Variants in FAM180A observed in about 807,000 individuals in gnomAD.
The protein encoded by FAM180A is family with sequence similarity 180 member A.
Under a neutral mutation model 15.3 loss-of-function variants are expected in FAM180A, and 14 were observed. The ratio of observed to expected loss-of-function variants is 0.92; its 90% confidence interval spans 0.61 to 1.43. The LOEUF is 1.43. Among genes scored for constraint, FAM180A ranks in the 40% most tolerant of loss-of-function variants. The pLI is 0.00. For missense variants in FAM180A, 200 were observed against 220.8 expected (o/e 0.91, Z 0.60); for synonymous variants, 90 against 96.8 (o/e 0.93, Z 0.41).
chr7:135,735,241 C>T (rs1007003392), intron 2 of FAM180A, among the ~76,000 whole-genome samples: 3 of 152,296 alleles, frequency 2.0e-5, no homozygotes, highest in Admixed American at 2.0e-4. Flanking sequence ...CTTGGCAGCT[C>T]TTGGAAAAGT....
chr7:135,742,408 A>G (rs898845024), intron 1 of FAM180A, among the ~76,000 whole-genome samples: 2 of 152,286 alleles, frequency 1.3e-5, no homozygotes, highest in Admixed American at 6.5e-5. Context: ...TGGAAACTAG[A>G]CTTGCTCCTA....
chr7:135,735,042 C>T (rs1172111992), intron 2 of FAM180A, among the ~76,000 whole-genome samples: 3 of 152,154 alleles, frequency 2.0e-5, no homozygotes, highest in African/African-American at 4.8e-5. Flanking sequence ...GCTGGGAATA[C>T]AGGCACCTGC....
rs750736981 is a variant in FAM180A, at chr7:135,748,529, A to G, written c.52T>C (p.Ser18Pro). ...LLLLYYNAEA[S>P]MCHRWSRAVL... ...CCCCTGCTCCACCTGTGGCACATAG[A>G]AGCCTCAGCATTGTAATACAACAGC... is the stretch of plus-strand genomic sequence containing the variant. Residue 18 changes from serine to proline, a missense_variant, in exon 1 of 4, where the codon TCT becomes CCT. Physicochemically the swap from Ser to Pro is moderately conservative, Grantham distance 74. Coordinates refer to ENST00000338588, the MANE Select transcript of FAM180A (RefSeq NM_205855.4). The G allele has an allele frequency of 6.2e-7, 1 of 1,614,060 alleles. No individual in the cohort carries two copies. Among genetic ancestry groups the G allele is most frequent in the East Asian group, 2.2e-5 (1 of 44,886 alleles).
At chr7:135,742,935 C>G (rs1192025890) in intron 1 of FAM180A, among the ~76,000 whole-genome samples, 1 of 152,196 alleles carries the variant, frequency 6.6e-6, no homozygotes, top group Non-Finnish European at 1.5e-5. Context: ...CTCCAAGGCT[C>G]CAAAACCCAA....
chr7:135,732,189 A>G (rs1051709393), intron 3 of FAM180A, among the ~76,000 whole-genome samples: 1 of 152,210 alleles, frequency 6.6e-6, no homozygotes, highest in Non-Finnish European at 1.5e-5. Context: ...AATATGCTCT[A>G]ATAGCCTGAC....
chr7:135,747,210 C>T (rs1415391348), intron 1 of FAM180A, among the ~76,000 whole-genome samples: 1 of 152,126 alleles, frequency 6.6e-6, no homozygotes, highest in Non-Finnish European at 1.5e-5. Flanking sequence ...ACCCCATCTT[C>T]CATGATGTGA....
chr7:135,732,107 C>G (rs908034346), intron 3 of FAM180A, among the ~76,000 whole-genome samples: 1 of 152,170 alleles, frequency 6.6e-6, no homozygotes, highest in South Asian at 2.1e-4. Context: ...ACCTGGCTAT[C>G]GTAGTTTGTA....
In FAM180A at chr7:135,729,764, C is replaced by A; in HGVS notation, c.*847G>T. ...GAATACAATGCTCAAGAAATGTAAGCCAGATCCCGCTTGTATGAGGTATCT... is the reference window on the plus strand; with the variant it reads ...GAATACAATGCTCAAGAAATGTAAGACAGATCCCGCTTGTATGAGGTATCT... On this transcript the variant is annotated 3_prime_UTR_variant, in exon 4 of 4. Transcript: ENST00000338588. 1.0e-6 allele frequency: 1 copy of A among 984,970 alleles called. No individual in the cohort carries two copies. Among genetic ancestry groups the A allele is most frequent in the Non-Finnish European group, 1.2e-6 (1 of 829,720 alleles). 61.0% of individuals were successfully genotyped at this position (984,970 alleles called of 1,614,324 possible). A position where few individuals can be genotyped will look rare whatever the true frequency, so the allele number is the denominator to read the frequency against.
At chr7:135,746,437 G>A (rs1199386448) in intron 1 of FAM180A, among the ~76,000 whole-genome samples, 1 of 152,142 alleles carries the variant, frequency 6.6e-6, no homozygotes, top group African/African-American at 2.4e-5. Flanking sequence ...AATGTCACCC[G>A]TTAGTGAACT....
intron 1 of FAM180A, among the ~76,000 whole-genome samples, chr7:135,743,738 C>A (rs1377883892): frequency 2.6e-5 from 4 of 152,208 alleles, no homozygotes; most frequent in Non-Finnish European, 5.9e-5. Context: ...TGTTTCCCCT[C>A]ACTAGAGGGT....
Position 135,729,917 on chromosome 7 carries a change from C to T in FAM180A, c.*694G>A, listed in dbSNP as rs556667845. 1 of 744,068 alleles carries T rather than the reference C, an allele frequency of 1.3e-6. No individual in the cohort carries two copies. Among genetic ancestry groups the T allele is most frequent in the Admixed American group, 6.3e-5 (1 of 15,942 alleles). The allele number at this position is 744,068 out of a possible 1,614,324, so 46.1% of individuals were successfully genotyped here. A position where few individuals can be genotyped will look rare whatever the true frequency, so the allele number is the denominator to read the frequency against. On this transcript the variant is annotated 3_prime_UTR_variant, in exon 4 of 4. Coordinates refer to ENST00000338588, the MANE Select transcript of FAM180A (RefSeq NM_205855.4). ...TTCAGAATTACAAGATGAGAAAGTT[C>T]CGGGGGTCTGTTTCACAACATGCAT...
intron 1 of FAM180A, 44 bp from the exon 2 acceptor site, chr7:135,737,243 C>T (rs370293137): frequency 3.0e-5 from 42 of 1,421,070 alleles, no homozygotes; most frequent in East Asian, 1.4e-4. Flanking sequence ...TGTGTGCGCC[C>T]AGACCTTCTC....
rs1464104697 is a variant in FAM180A at position 135,737,152 on chromosome 7, G to A, written c.124C>T (p.Pro42Ser). 2 of 1,611,962 alleles carry A rather than the reference G, an allele frequency of 1.2e-6. No individual in the cohort carries two copies. Among genetic ancestry groups the A allele is most frequent in the Admixed American group, 1.7e-5 (1 of 59,430 alleles). The change falls in exon 2 of 4, where the codon CCA becomes TCA. Residue 42 changes from proline (P) to serine (S), a missense_variant. Coordinates refer to ENST00000338588, the MANE Select transcript of FAM180A (RefSeq NM_205855.4). The stretch of plus-strand genomic sequence containing the variant: ...GAGGTCTGCAGGACTGGGTTCAATG[G>A]CAGTGATGAGGACCTCTTTGGCCGG... ...AHRPKRSSSL[P>S]LNPVLQTSLE...
At chr7:135,745,581 T>C (rs972671242) in intron 1 of FAM180A, among the ~76,000 whole-genome samples, 3 of 151,970 alleles carry the variant, frequency 2.0e-5, no homozygotes, top group Non-Finnish European at 4.4e-5. Flanking sequence ...CTGGTGGGGC[T>C]GGAATGGGTG....
At chr7:135,734,368 G>A (rs747753611) in intron 2 of FAM180A, 49 bp from the exon 3 acceptor site, 11 of 1,517,894 alleles carry the variant, frequency 7.2e-6, no homozygotes, top group Non-Finnish European at 9.8e-6. Flanking sequence ...GCATTGCTGA[G>A]GACACAGTTG....
At chr7:135,733,504 G>A (rs944626225) in intron 3 of FAM180A, 142 bp downstream of exon 3, 50 of 273,454 alleles carry the variant, frequency 1.8e-4, no homozygotes, top group Admixed American at 5.2e-4. Context: ...GCGCCACCAC[G>A]TCCGGCTGAT....
chr7:135,736,031 T>G (rs1007899147), intron 2 of FAM180A, among the ~76,000 whole-genome samples: 1 of 151,004 alleles, frequency 6.6e-6, no homozygotes. Flanking sequence ...CTTTTTTTTT[T>G]TTTCTTTTTG....
At chr7:135,748,456 A>G (rs1354345953) in intron 1 of FAM180A, 49 bp downstream of exon 1, 2 of 1,491,848 alleles carry the variant, frequency 1.3e-6, no homozygotes, top group East Asian at 2.3e-5. Flanking sequence ...ATTGCATTGA[A>G]GAAAGTATAA....
At chr7:135,734,380 T>G in intron 2 of FAM180A, 61 bp from the exon 3 acceptor site, 1 of 1,481,144 alleles carries the variant, frequency 6.8e-7, no homozygotes, top group Non-Finnish European at 9.1e-7. Context: ...ACACAGTTGT[T>G]CATTATCACG....
Sources: gnomAD v4.1 joint callset for allele counts (sites outside exome capture counted in the v4.1 genomes callset) on GRCh38, gnomAD v4.1.1 for gene constraint, MANE v1.5 for transcripts, NCBI Gene and HGNC (gene_info 2026-07-23, HGNC 2026-07-21) for gene names.